The following CAAP1 variants were observed in gnomAD, a reference collection of about 807,000 sequenced individuals.
The protein encoded by CAAP1 is caspase activity and apoptosis inhibitor 1, also known as conserved anti-apoptotic protein.
In CAAP1, 20 loss-of-function variants were observed where a neutral mutation model predicts 34.0. That is an observed-to-expected ratio of 0.59 (90% CI 0.41 to 0.86). The LOEUF is 0.86. CAAP1 is among the 40% of genes least tolerant of loss of function. The pLI, the probability that CAAP1 is intolerant of heterozygous loss-of-function variation, is 0.00. For synonymous variants in CAAP1, 213 were observed against 166.7 expected, an observed-to-expected ratio of 1.28 and a Z score of -2.14; for missense variants, 538 against 450.5, an observed-to-expected ratio of 1.19 and a Z score of -1.76.
chr9:26,892,652 C>A lies in CAAP1; in HGVS notation c.64G>T (p.Ala22Ser). Residue 22 changes from alanine to serine, a missense_variant, in exon 1 of 6, where the codon GCG becomes TCG. By Grantham distance (99) the Ala-to-Ser change is moderately conservative. This residue lies in a region of CAAP1 where 514 missense variants were observed against 408.4 expected (regional missense o/e 1.26). Transcript: ENST00000333916. ...RKRSSQEAAA[A>S]LAAPDIVPAL... ...GGTACGATGTCCGGGGCCGCGAGCG[C>A]TGCGGCCGCCTCCTGACTGCTACGT... is the stretch of plus-strand genomic sequence containing the variant. 6.2e-7 allele frequency: 1 copy of A among 1,607,812 alleles called. No homozygotes were observed. Among genetic ancestry groups the A allele is most frequent in the Non-Finnish European group, 8.5e-7 (1 of 1,179,254 alleles).
intron 4 of CAAP1, among the ~76,000 whole-genome samples, chr9:26,872,334 G>C (rs1221516512): frequency 6.6e-6 from 1 of 152,012 alleles, no homozygotes; most frequent in African/African-American, 2.4e-5. Context: ...GACTACATAA[G>C]AAACCTAACT....
At chr9:26,864,449 T>G (rs1403026534) in intron 4 of CAAP1, among the ~76,000 whole-genome samples, 1 of 152,116 alleles carries the variant, frequency 6.6e-6, no homozygotes, top group Non-Finnish European at 1.5e-5. Flanking sequence ...TCAAGCCCCT[T>G]CCTCAGACAG....
intron 3 of CAAP1, 77 bp from the exon 4 acceptor site, chr9:26,884,962 A>G (rs1256154008): frequency 1.8e-6 from 2 of 1,111,904 alleles, no homozygotes; most frequent in South Asian, 1.3e-5. Flanking sequence ...TAAAAAGTAT[A>G]ATCTTTAAAA....
chr9:26,880,684 T>TTTATTTA (rs1823571768), intron 4 of CAAP1: 1 of 152,240 alleles, frequency 6.6e-6, no homozygotes, highest in Non-Finnish European at 1.5e-5. Context: ...TCTTTCTTTC[T>TTTATTTA]TTATTTATTT....
chr9:26,880,851 T>C (rs567877149), intron 4 of CAAP1, among the ~76,000 whole-genome samples: 2 of 152,264 alleles, frequency 1.3e-5, no homozygotes, highest in South Asian at 4.1e-4. Flanking sequence ...AATTTTTGTA[T>C]TTTTAGTGGA....
intron 5 of CAAP1, among the ~76,000 whole-genome samples, chr9:26,846,746 G>T (rs1348778299): frequency 6.6e-6 from 1 of 151,924 alleles, no homozygotes; most frequent in Non-Finnish European, 1.5e-5. Context: ...GGAGTGCAAT[G>T]ATGCGATTTC....
chr9:26,865,425 G>A (rs781548581), intron 4 of CAAP1, among the ~76,000 whole-genome samples: 3 of 152,022 alleles, frequency 2.0e-5, no homozygotes, highest in Non-Finnish European at 2.9e-5. Context: ...CGGGAGAATT[G>A]AGGCAGTAGA....
intron 1 of CAAP1, 126 bp from the exon 2 acceptor site, chr9:26,887,639 A>C (rs1823780601): frequency 1.6e-6 from 1 of 619,660 alleles, no homozygotes; most frequent in South Asian, 2.3e-5. Context: ...TCTTTGCATA[A>C]TTATTTATCA....
At chr9:26,872,574 T>TATATATATATATATATA (rs1563888459) in intron 4 of CAAP1, among the ~76,000 whole-genome samples, 6 of 138,164 alleles carry the variant, frequency 4.3e-5, no homozygotes, top group African/African-American at 1.8e-4. Flanking sequence ...ATATATATAT[T>TATATATATATATATATA]TAGACAGAGT....
Position 26,842,595 on chromosome 9 carries a change from G to T in CAAP1, c.792C>A (p.Ser264Arg). The T allele has an allele frequency of 6.2e-7, 1 of 1,613,966 alleles. No individual in the cohort carries two copies. Among genetic ancestry groups the T allele is most frequent in the Non-Finnish European group, 8.5e-7 (1 of 1,179,994 alleles). ...VLSINADAYD[S>R]DIEGPCNEEA... The stretch of plus-strand genomic sequence containing the variant: ...CTTCGTTGCATGGGCCTTCTATGTC[G>T]CTGTCATAAGCATCTGCATTTATAC... Residue 264 changes from serine (S) to arginine (R), a missense_variant, in exon 6 of 6, where the codon AGC becomes AGA. Transcript: ENST00000333916.
intron 5 of CAAP1, among the ~76,000 whole-genome samples, chr9:26,851,396 G>C (rs114037829): frequency 1.3e-3 from 195 of 152,198 alleles, no homozygotes; most frequent in African/African-American, 4.5e-3. Flanking sequence ...TCAGTACAGA[G>C]GTATGTGAGC....
rs916378050 is a variant in CAAP1, at chr9:26,841,833, T to A, written c.*468A>T. The A allele has an allele frequency of 6.6e-6, 1 of 152,430 alleles. No homozygotes were observed. Among genetic ancestry groups the A allele is most frequent in the African/African-American group, 2.4e-5 (1 of 41,452 alleles). The allele number at this position is 152,430 out of a possible 1,614,324, so 9.4% of individuals were successfully genotyped here. A position where few individuals can be genotyped will look rare whatever the true frequency, so the allele number is the denominator to read the frequency against. ...AGGAAATTTGCATTTACATAAGGAA[T>A]CTTCAAAATAGTATATATTTAAAAA... On this transcript the variant is annotated 3_prime_UTR_variant, in exon 6 of 6. Transcript: ENST00000333916.
At chr9:26,860,988 C>G in intron 5 of CAAP1, 78 bp downstream of exon 5, 1 of 1,006,446 alleles carries the variant, frequency 9.9e-7, no homozygotes, top group Admixed American at 1.8e-5. Flanking sequence ...GTGAGTTAGA[C>G]ACTGAAAATT....
intron 5 of CAAP1, among the ~76,000 whole-genome samples, chr9:26,853,449 T>C (rs996965425): frequency 6.6e-6 from 1 of 152,168 alleles, no homozygotes; most frequent in Non-Finnish European, 1.5e-5. Flanking sequence ...AAGTCTGAAT[T>C]GTAGAAATAA....
chr9:26,847,939 G>A (rs1255746610), intron 5 of CAAP1, among the ~76,000 whole-genome samples: 1 of 151,968 alleles, frequency 6.6e-6, no homozygotes, highest in Non-Finnish European at 1.5e-5. Flanking sequence ...AGATACGTAT[G>A]TTCAATTTGC....
intron 5 of CAAP1, among the ~76,000 whole-genome samples, chr9:26,842,888 A>C (rs2067558633): frequency 6.6e-6 from 1 of 152,140 alleles, no homozygotes; most frequent in Non-Finnish European, 1.5e-5. Context: ...AACATTAAGA[A>C]ATTTCTTCCA....
chr9:26,853,540 C>T (rs1822803751), intron 5 of CAAP1, among the ~76,000 whole-genome samples: 1 of 152,066 alleles, frequency 6.6e-6, no homozygotes, highest in Admixed American at 6.5e-5. Flanking sequence ...GGCACTCATC[C>T]TTTAGAAGTC....
intron 4 of CAAP1, among the ~76,000 whole-genome samples, chr9:26,862,665 G>A (rs957181690): frequency 7.2e-5 from 11 of 152,128 alleles, no homozygotes; most frequent in African/African-American, 2.7e-4. Flanking sequence ...TTGCTAAAGA[G>A]CCAAGACAAT....
At chr9:26,854,439 C>A (rs998338635) in intron 5 of CAAP1, among the ~76,000 whole-genome samples, 1 of 152,126 alleles carries the variant, frequency 6.6e-6, no homozygotes, top group East Asian at 1.9e-4. Flanking sequence ...TTAACAGATT[C>A]AAAATAACCA....
Sources: allele counts gnomAD v4.1 joint callset (sites outside exome capture counted in the v4.1 genomes callset), GRCh38; gene constraint gnomAD v4.1.1; regional missense constraint gnomAD v4.1.1; transcripts MANE v1.5; gene names NCBI Gene and HGNC (gene_info 2026-07-23, HGNC 2026-07-21).